FAM13A: variants seen among roughly 807,000 people sequenced by gnomAD.
The protein encoded by FAM13A is family with sequence similarity 13 member A.
FAM13A carries 76 observed loss-of-function variants against 129.6 expected under a neutral mutation model. The observed-to-expected ratio is 0.59, with a 90% CI of 0.49 to 0.71. The LOEUF is 0.71. FAM13A is among the 30% of genes least tolerant of loss of function. The pLI is 0.00. For synonymous variants in FAM13A, 443 were observed against 449.9 expected (o/e 0.98, Z 0.20); for missense variants, 1,108 against 1,249.3 (o/e 0.89, Z 1.70).
intron 21 of FAM13A, chr4:88,732,598 G>A (rs1240896475): frequency 1.3e-5 from 2 of 153,720 alleles, no homozygotes; most frequent in African/African-American, 4.9e-5. Context: ...GTGCTTGAAA[G>A]GATTCTACTA....
chr4:88,922,985 C>T (rs1233585800), intron 5 of FAM13A, among the ~76,000 whole-genome samples: 2 of 152,084 alleles, frequency 1.3e-5, no homozygotes, highest in Non-Finnish European at 2.9e-5. Flanking sequence ...ATACACCATC[C>T]CAAGACTAAA....
At chr4:88,779,910 C>A (rs541041684) in intron 11 of FAM13A, among the ~76,000 whole-genome samples, 6 of 152,162 alleles carry the variant, frequency 3.9e-5, no homozygotes, top group Non-Finnish European at 7.4e-5. Flanking sequence ...AAAGCCAAGT[C>A]TCAGACTTTC....
intron 4 of FAM13A, among the ~76,000 whole-genome samples, chr4:88,944,891 G>A (rs955908815): frequency 3.6e-5 from 5 of 140,638 alleles, no homozygotes; most frequent in African/African-American, 1.3e-4. Flanking sequence ...CAACAAGAGC[G>A]AAACTCTGTC....
chr4:88,729,058 AGTT>A (rs1330463171), intron 23 of FAM13A: 3 of 105,756 alleles, frequency 2.8e-5, no homozygotes, highest in Non-Finnish European at 5.2e-5. Context: ...TCCACAACTT[AGTT>A]TTTTTTTTTT....
intron 16 of FAM13A, among the ~76,000 whole-genome samples, 175 bp downstream of exon 16, chr4:88,749,596 G>A (rs142291239): frequency 3.3e-5 from 5 of 152,030 alleles, no homozygotes; most frequent in African/African-American, 1.2e-4. Flanking sequence ...CAAGGAAAAT[G>A]CTGATACATA....
At chr4:88,776,754 C>A (rs893103419) in intron 11 of FAM13A, among the ~76,000 whole-genome samples, 1 of 152,038 alleles carries the variant, frequency 6.6e-6, no homozygotes, top group African/African-American at 2.4e-5. Flanking sequence ...GGGGGCAGAT[C>A]AGTTGAGGTC....
At chr4:88,904,907 T>C (rs2446303) in intron 6 of FAM13A, among the ~76,000 whole-genome samples, 112,798 of 152,116 alleles carry the variant, frequency 0.74, 42,133 homozygotes, top group Non-Finnish European at 0.79. Flanking sequence ...TATAATAGTT[T>C]TTATTTTTTC....
chr4:88,835,670 A>G (rs1481156963), intron 7 of FAM13A, among the ~76,000 whole-genome samples: 1 of 152,012 alleles, frequency 6.6e-6, no homozygotes, highest in African/African-American at 2.4e-5. Flanking sequence ...ATCAGGCATT[A>G]GATTCTCACA....
intron 8 of FAM13A, among the ~76,000 whole-genome samples, chr4:88,791,103 C>T (rs112640577): frequency 0.012 from 1,753 of 152,188 alleles, 14 homozygotes; most frequent in African/African-American, 0.022. Flanking sequence ...GCAGTGGGGA[C>T]GACAGGGATA....
intron 14 of FAM13A, among the ~76,000 whole-genome samples, chr4:88,751,929 C>T (rs925461700): frequency 6.6e-6 from 1 of 152,182 alleles, no homozygotes; most frequent in Non-Finnish European, 1.5e-5. Flanking sequence ...TGCTCCTCTA[C>T]CTATCATACT....
At chr4:88,984,314 C>A (rs962848377) in intron 4 of FAM13A, among the ~76,000 whole-genome samples, 5 of 152,010 alleles carry the variant, frequency 3.3e-5, no homozygotes, top group African/African-American at 4.8e-5. Context: ...AAAATAAAAA[C>A]CTCTGCACTT....
chr4:88,751,754 T>TA (rs1026173868), intron 14 of FAM13A, among the ~76,000 whole-genome samples: 62 of 152,170 alleles, frequency 4.1e-4, no homozygotes, highest in Non-Finnish European at 7.6e-4. Flanking sequence ...CTAAAAGATT[T>TA]AAAAAATAGA....
At position 89,009,937 on chromosome 4, in the gene FAM13A, T is replaced by G. The variant is rs77951030; in HGVS notation, c.427+10523A>C. On this transcript the variant is annotated intron_variant, in intron 3 of 23. Transcript: ENST00000264344. Reference sequence around the variant, plus strand: ...ACAGTGTCAGTTAAGACGGCCCTTTTGAGCTACTGAAGACCTAATCTTTTA... The same window carrying G: ...ACAGTGTCAGTTAAGACGGCCCTTTGGAGCTACTGAAGACCTAATCTTTTA... 4.8e-3 allele frequency among the ~76,000 whole-genome samples: 732 copies of G among 152,330 alleles called. 7 individuals are homozygous for G. Among genetic ancestry groups the G allele is most frequent in the African/African-American group, 0.017 (702 of 41,576 alleles).
At chr4:89,003,495 CAGATACCTAGG>C (rs1764564960) in intron 3 of FAM13A, among the ~76,000 whole-genome samples, 1 of 151,932 alleles carries the variant, frequency 6.6e-6, no homozygotes, top group Non-Finnish European at 1.5e-5. Flanking sequence ...CCTGTAATCC[CAGATACCTAGG>C]AGGCTGAGGC....
At chr4:88,788,243 AG>A (rs941209095) in intron 9 of FAM13A, among the ~76,000 whole-genome samples, 12 of 152,174 alleles carry the variant, frequency 7.9e-5, no homozygotes, top group Non-Finnish European at 1.3e-4. Context: ...AATCAATATA[AG>A]GAAGAATGAG....
intron 7 of FAM13A, among the ~76,000 whole-genome samples, chr4:88,846,332 C>G (rs1561148883): frequency 6.6e-6 from 1 of 152,130 alleles, no homozygotes. Context: ...CCCGAAATAC[C>G]GATTACTTCA....
chr4:88,863,824 G>A (rs1739929526), intron 6 of FAM13A, among the ~76,000 whole-genome samples: 1 of 152,228 alleles, frequency 6.6e-6, no homozygotes, highest in Admixed American at 6.5e-5. Flanking sequence ...AGGGATGTGA[G>A]CTTCCTGATA....
In FAM13A at chr4:89,049,684, T is replaced by C. The variant is rs554364325; in HGVS notation, c.27+7254A>G. On this transcript the variant is annotated intron_variant, in intron 1 of 23. Coordinates refer to ENST00000264344, the MANE Select transcript of FAM13A (RefSeq NM_014883.4). Reference sequence around the variant, plus strand: ...TATTTTGTTTTGTTTTGAGATGGAGTCTTGCACTGTTGCCCAGGCTGGAGT... The same window carrying C: ...TATTTTGTTTTGTTTTGAGATGGAGCCTTGCACTGTTGCCCAGGCTGGAGT... 1.1e-4 allele frequency among the ~76,000 whole-genome samples: 16 copies of C among 152,242 alleles called. No homozygotes were observed. The South Asian group carries it at 3.1e-3, about 30-fold the overall frequency.
In FAM13A at chr4:88,732,108, C is replaced by T; in HGVS notation, c.2737G>A (p.Asp913Asn). ...CCATCAGCGTCATCTTCGAATTGGTCCAGAAAGCATCGTGCACTGAAATCG... is the reference window on the plus strand; with the variant it reads ...CCATCAGCGTCATCTTCGAATTGGTTCAGAAAGCATCGTGCACTGAAATCG... Reference protein sequence around the residue: ...KTDFSARCFLDQFEDDADGFI... With the variant: ...KTDFSARCFLNQFEDDADGFI... The change falls in exon 22 of 24, where the codon GAC becomes AAC. Residue 913 changes from aspartate (D) to asparagine (N), a missense_variant. Around this residue, in one of 3 missense-constraint regions of FAM13A, gnomAD observed 529 missense variants for 621.2 expected, o/e 0.85. Coordinates refer to ENST00000264344, the MANE Select transcript of FAM13A (RefSeq NM_014883.4). 1 of 1,613,916 alleles carries T rather than the reference C, an allele frequency of 6.2e-7. No individual in the cohort carries two copies. Among genetic ancestry groups the T allele is most frequent in the Non-Finnish European group, 8.5e-7 (1 of 1,179,896 alleles).
Sources: allele counts gnomAD v4.1 joint callset (sites outside exome capture counted in the v4.1 genomes callset), GRCh38; gene constraint gnomAD v4.1.1; regional missense constraint gnomAD v4.1.1; transcripts MANE v1.5; gene names NCBI Gene and HGNC (gene_info 2026-07-23, HGNC 2026-07-21).